RNF144B: variants seen among roughly 807,000 people sequenced by gnomAD.
RNF144B encodes the protein ring finger protein 144B.
A neutral mutation model predicts 40.2 loss-of-function variants in RNF144B; 25 were observed. The observed-to-expected ratio is 0.62, with a 90% CI of 0.45 to 0.87. The LOEUF is 0.87. Among genes scored for constraint, RNF144B ranks in the 40% least tolerant of loss-of-function variants. RNF144B has a pLI of 0.00. For missense variants in RNF144B, 365 were observed against 373.7 expected (o/e 0.98, Z 0.19); for synonymous variants, 145 against 136.3 (o/e 1.06, Z -0.44).
Position 18,457,326 on chromosome 6 carries a change from ACAGT to A in RNF144B, c.507_510del (p.Gln170LeufsTer39). 6.2e-7 allele frequency: 1 copy of A among 1,614,164 alleles called. No homozygotes were observed. Among genetic ancestry groups the A allele is most frequent in the Non-Finnish European group, 8.5e-7 (1 of 1,180,010 alleles). ...TGGCATGCAGAGGTCTCCTGTAGAGACAGTCAGCCTATTGTCCTGCCAACAGAGC... is the reference window on the plus strand; with the variant it reads ...TGGCATGCAGAGGTCTCCTGTAGAGACAGCCTATTGTCCTGCCAACAGAGC... On this transcript the variant is annotated frameshift_variant, in exon 5 of 8. Coordinates refer to ENST00000259939, the MANE Select transcript of RNF144B (RefSeq NM_182757.4). LOFTEE classifies it high-confidence loss of function. This position sits in a 1 kb window ranked among gnomAD's most constrained non-coding sequence, Gnocchi z 5.1.
intron 2 of RNF144B, among the ~76,000 whole-genome samples, chr6:18,426,738 G>T (rs1758564118): frequency 6.7e-6 from 1 of 148,374 alleles, no homozygotes; most frequent in Admixed American, 6.7e-5. Context: ...TTTCTTCTCT[G>T]AGTTTCTTTT....
Position 18,398,956 on chromosome 6 carries a change from CT to C in RNF144B, c.-36-542del, listed in dbSNP as rs979221380. ...TTGCTCATAGTGATATTTCCCGCCC[CT>C]GACCTTCATTAAGGTATAATTGACA... On this transcript the variant is annotated intron_variant, in intron 1 of 7. Coordinates refer to ENST00000259939, the MANE Select transcript of RNF144B (RefSeq NM_182757.4). This position sits in a 1 kb window ranked among gnomAD's most constrained non-coding sequence, Gnocchi z 5.0. 5.9e-5 allele frequency among the ~76,000 whole-genome samples: 9 copies of C among 152,160 alleles called. No individual in the cohort carries two copies. Among genetic ancestry groups the C allele is most frequent in the South Asian group, 2.1e-4 (1 of 4,836 alleles).
In RNF144B at chr6:18,441,953, C is replaced by A. The variant is rs966824032; in HGVS notation, c.331+2209C>A. Among the ~76,000 whole-genome samples, 2 of 152,200 alleles carry A rather than the reference C, an allele frequency of 1.3e-5. No homozygotes were observed. The highest frequency in any genetic ancestry group is 2.9e-5 in the Non-Finnish European group (2 of 68,026). On this transcript the variant is annotated intron_variant, in intron 4 of 7. Coordinates refer to ENST00000259939, the MANE Select transcript of RNF144B (RefSeq NM_182757.4). This position sits in a 1 kb window ranked among gnomAD's most constrained non-coding sequence, Gnocchi z 4.9. ...AAATTAAATTATTCTCAATGTTCTTCTCCTGTACACTTTTTTCCCAAAGAG... is the reference window on the plus strand; with the variant it reads ...AAATTAAATTATTCTCAATGTTCTTATCCTGTACACTTTTTTCCCAAAGAG...
chr6:18,404,490 A>G (rs946187608), intron 2 of RNF144B, among the ~76,000 whole-genome samples: 4 of 152,192 alleles, frequency 2.6e-5, no homozygotes, highest in South Asian at 4.1e-4. Context: ...ACGTTCTTCA[A>G]AAAGATTTCA....
In RNF144B at chr6:18,459,998, A is replaced by C. The variant is rs938749533; in HGVS notation, c.681+247A>C. Among the ~76,000 whole-genome samples the C allele has an allele frequency of 6.6e-6, 1 of 152,196 alleles. No homozygotes were observed. Among genetic ancestry groups the C allele is most frequent in the Non-Finnish European group, 1.5e-5 (1 of 68,036 alleles). ...TTTCAGGGCATTTCTTGCTATTTGC[A>C]CATTGTCTCTATTATGTAAAGGACT... On this transcript the variant is annotated intron_variant, in intron 6 of 7. Transcript: ENST00000259939. This position sits in a 1 kb window ranked among gnomAD's most constrained non-coding sequence, Gnocchi z 4.2.
Position 18,460,811 on chromosome 6 carries a change from T to C in RNF144B, c.681+1060T>C, listed in dbSNP as rs1759434935. Among the ~76,000 whole-genome samples, 1 of 152,220 alleles carries C rather than the reference T, an allele frequency of 6.6e-6. No homozygotes were observed. The highest frequency in any genetic ancestry group is 2.4e-5 in the African/African-American group (1 of 41,458). ...GGTAACTTCAGAGTTAAAAATGCGA[T>C]GCAAAGAGTTGGTGAGAAGGTCTTA... On this transcript the variant is annotated intron_variant, in intron 6 of 7. Transcript: ENST00000259939. This position sits in a 1 kb window ranked among gnomAD's most constrained non-coding sequence, Gnocchi z 4.4.
intron 2 of RNF144B, among the ~76,000 whole-genome samples, chr6:18,426,647 G>A (rs1386192075): frequency 6.6e-6 from 1 of 151,490 alleles, no homozygotes; most frequent in Non-Finnish European, 1.5e-5. Context: ...TCTTCTCTGG[G>A]CTTCTTTTTT....
rs548695738 is a variant in RNF144B, at chr6:18,441,333, C to T, written c.331+1589C>T. ...AGTGCTTTTACCTGGAGAAAGCCTA[C>T]AGAGTTAGGTTGGATTTTCAGGCTG... On this transcript the variant is annotated intron_variant, in intron 4 of 7. Transcript: ENST00000259939. This position sits in a 1 kb window ranked among gnomAD's most constrained non-coding sequence, Gnocchi z 4.9. Among the ~76,000 whole-genome samples the T allele has an allele frequency of 1.3e-5, 2 of 152,274 alleles. No homozygotes were observed. Among genetic ancestry groups the T allele is most frequent in the East Asian group, 1.9e-4 (1 of 5,176 alleles).
chr6:18,403,467 C>T (rs901362081), intron 2 of RNF144B, among the ~76,000 whole-genome samples: 2 of 152,192 alleles, frequency 1.3e-5, no homozygotes, highest in Non-Finnish European at 2.9e-5. Flanking sequence ...AAAATAAAGT[C>T]CAGCCATATT....
At chr6:18,461,091 C>T (rs1031938828) in intron 6 of RNF144B, among the ~76,000 whole-genome samples, 5 of 152,066 alleles carry the variant, frequency 3.3e-5, no homozygotes, top group Non-Finnish European at 7.4e-5. Context: ...ATCAAGCAGG[C>T]CACCACCTGC....
In RNF144B at chr6:18,406,403, G is replaced by A. The variant is rs1340058074; in HGVS notation, c.165+6704G>A. 6.6e-6 allele frequency among the ~76,000 whole-genome samples: 1 copy of A among 151,914 alleles called. No individual in the cohort carries two copies. Among genetic ancestry groups the A allele is most frequent in the African/African-American group, 2.4e-5 (1 of 41,332 alleles). On this transcript the variant is annotated intron_variant, in intron 2 of 7. Coordinates refer to ENST00000259939, the MANE Select transcript of RNF144B (RefSeq NM_182757.4). This position sits in a 1 kb window ranked among gnomAD's most constrained non-coding sequence, Gnocchi z 4.2. ...GGAAGCAGTATGGAGGTCTTAAGTT[G>A]GGAGTGTGCTTGGTGTATCCTGTTA...
chr6:18,427,696 C>G lies in RNF144B; in HGVS notation c.270+11C>G. ...CTGCAGGAAGCTGAGGTATGAATGACTACCATCATCTTCCCCTCTTTCCTA... is the reference window on the plus strand; with the variant it reads ...CTGCAGGAAGCTGAGGTATGAATGAGTACCATCATCTTCCCCTCTTTCCTA... On this transcript the variant is annotated intron_variant, in intron 3 of 7. Coordinates refer to ENST00000259939, the MANE Select transcript of RNF144B (RefSeq NM_182757.4). 2 of 1,447,934 alleles carry G rather than the reference C, an allele frequency of 1.4e-6. No homozygotes were observed. The highest frequency in any genetic ancestry group is 1.9e-6 in the Non-Finnish European group (2 of 1,029,358). 89.7% of individuals were successfully genotyped at this position (1,447,934 alleles called of 1,614,324 possible).
chr6:18,430,811 T>G (rs1758676630), intron 3 of RNF144B, among the ~76,000 whole-genome samples: 1 of 151,948 alleles, frequency 6.6e-6, no homozygotes, highest in South Asian at 2.1e-4. Flanking sequence ...TCTTTGTATT[T>G]CCCCCCTCCT....
rs1313331645 is a variant in RNF144B at position 18,465,146 on chromosome 6, C to T, written c.*79C>T. ...GATAAAGCCCCATTTAGTGACCTTG[C>T]CTCCTTCTCCTTGCCAACTTTGAAA... On this transcript the variant is annotated 3_prime_UTR_variant, in exon 8 of 8. Transcript: ENST00000259939. The T allele has an allele frequency of 3.1e-5, 45 of 1,448,722 alleles. No individual in the cohort carries two copies. The highest frequency in any genetic ancestry group is 4.1e-5 in the Non-Finnish European group (43 of 1,058,532). 89.7% of individuals were successfully genotyped at this position (1,448,722 alleles called of 1,614,324 possible).
rs1478075264 is a variant in RNF144B, at chr6:18,444,003, C to G, written c.331+4259C>G. Among the ~76,000 whole-genome samples the G allele has an allele frequency of 6.6e-6, 1 of 152,136 alleles. No homozygotes were observed. Among genetic ancestry groups the G allele is most frequent in the African/African-American group, 2.4e-5 (1 of 41,430 alleles). On this transcript the variant is annotated intron_variant, in intron 4 of 7. Coordinates refer to ENST00000259939, the MANE Select transcript of RNF144B (RefSeq NM_182757.4). This position sits in a 1 kb window ranked among gnomAD's most constrained non-coding sequence, Gnocchi z 4.3. ...AATCAGAGTAGATGCAGTACTATTT[C>G]TTAGTTATAAAAAATCATCCTTAGT...
rs13208301 is a variant in RNF144B, at chr6:18,466,929, A to G, written c.*1862A>G. 5,538 of 152,690 alleles carry G rather than the reference A, an allele frequency of 0.036. 132 individuals are homozygous for G. Among genetic ancestry groups the G allele is most frequent in the Non-Finnish European group, 0.055 (3,752 of 68,012 alleles). 9.5% of individuals were successfully genotyped at this position (152,690 alleles called of 1,614,324 possible). ...AAAACTTGGGAATGGCAACCAACCA[A>G]AATCATTTTTAATCATTTATTAGAA... On this transcript the variant is annotated 3_prime_UTR_variant, in exon 8 of 8. Transcript: ENST00000259939.
chr6:18,464,987 C>T lies in RNF144B; in HGVS notation c.832C>T (p.Leu278=). Residue 278 remains leucine, a synonymous_variant, in exon 8 of 8, where the codon CTG becomes TTG. Transcript: ENST00000259939. The surrounding 1 kb of genome is among the most constrained non-coding windows in gnomAD (Gnocchi z 6.1). The part of the protein sequence containing the change: ...IALVTSPLLL[L]ASPCIICCVC... ...CTTGGTTACTTCACCCTTGTTACTC[C>T]TGGCCTCCCCATGTATAATCTGTTG... 1 of 1,613,904 alleles carries T rather than the reference C, an allele frequency of 6.2e-7. No individual in the cohort carries two copies. Among genetic ancestry groups the T allele is most frequent in the Non-Finnish European group, 8.5e-7 (1 of 1,179,894 alleles).
Position 18,405,879 on chromosome 6 carries a change from A to G in RNF144B, c.165+6180A>G, listed in dbSNP as rs1794894103. 6.6e-6 allele frequency among the ~76,000 whole-genome samples: 1 copy of G among 152,202 alleles called. No homozygotes were observed. The highest frequency in any genetic ancestry group is 2.4e-5 in the African/African-American group (1 of 41,446). ...CAAGAGAGGAAAGAACAGCAGAAGA[A>G]AACCATACTATTAAGGCCCTAATGT... On this transcript the variant is annotated intron_variant, in intron 2 of 7. Coordinates refer to ENST00000259939, the MANE Select transcript of RNF144B (RefSeq NM_182757.4). This position sits in a 1 kb window ranked among gnomAD's most constrained non-coding sequence, Gnocchi z 4.5.
intron 1 of RNF144B, among the ~76,000 whole-genome samples, chr6:18,394,440 ATAC>A (rs1440587485): frequency 1.3e-5 from 2 of 152,150 alleles, no homozygotes; most frequent in Non-Finnish European, 2.9e-5. Flanking sequence ...TCTACTAAAA[ATAC>A]AAAAATTAGC....
Sources: allele counts gnomAD v4.1 joint callset (sites outside exome capture counted in the v4.1 genomes callset), GRCh38; gene constraint gnomAD v4.1.1; non-coding constraint Gnocchi (gnomAD v3.1); transcripts MANE v1.5; gene names NCBI Gene and HGNC (gene_info 2026-07-23, HGNC 2026-07-21).